Variants in IPCEF1 observed in about 807,000 individuals in gnomAD.
The protein encoded by IPCEF1 is interactor protein for cytohesin exchange factors 1.
In IPCEF1, 31 loss-of-function variants were observed where a neutral mutation model predicts 50.9. The ratio of observed to expected loss-of-function variants is 0.61; its 90% confidence interval spans 0.46 to 0.82. The LOEUF is 0.82. Ranked by LOEUF, IPCEF1 falls within the 40% of genes least tolerant of loss-of-function variation. IPCEF1 has a pLI of 0.00. For synonymous variants in IPCEF1, 181 were observed against 192.0 expected (o/e 0.94, Z 0.47); for missense variants, 458 against 514.0 (o/e 0.89, Z 1.05).
At position 154,199,995 on chromosome 6, in the gene IPCEF1, A is replaced by T; in HGVS notation, c.583T>A (p.Ser195Thr). ...TTTTCCAGGGAAGAGAAAGAATACG[A>T]CGTTCCACTCAGGCTGGGTGAGGAT... ...SSSSPSLSGT[S>T]YSFSSLENTV... Residue 195 changes from serine (S) to threonine (T), a missense_variant, in exon 10 of 12, where the codon TCG (serine) becomes ACG (threonine). Transcript: ENST00000367220. 1.2e-6 allele frequency: 2 copies of T among 1,614,152 alleles called. No homozygotes were observed. Among genetic ancestry groups the T allele is most frequent in the Non-Finnish European group, 1.7e-6 (2 of 1,179,994 alleles).
intron 1 of IPCEF1, among the ~76,000 whole-genome samples, chr6:154,346,103 C>G (rs1784024617): frequency 6.6e-6 from 1 of 152,160 alleles, no homozygotes; most frequent in South Asian, 2.1e-4. Flanking sequence ...CTCCTGAGCT[C>G]ATGCCCTCTG....
intron 10 of IPCEF1, among the ~76,000 whole-genome samples, chr6:154,175,879 T>C (rs1303295058): frequency 6.6e-6 from 1 of 152,118 alleles, no homozygotes; most frequent in Non-Finnish European, 1.5e-5. Context: ...AAAAAGGGAA[T>C]TTTAGGCCAA....
At position 154,332,830 on chromosome 6, in the gene IPCEF1, G is replaced by A. The variant is rs565352143; in HGVS notation, c.-62+23842C>T. 2.0e-5 allele frequency among the ~76,000 whole-genome samples: 3 copies of A among 152,260 alleles called. No individual in the cohort carries two copies. In the East Asian group the frequency reaches 5.8e-4, roughly 29 times the overall value. On this transcript the variant is annotated intron_variant, in intron 1 of 11. Transcript: ENST00000367220. ...CTGTTGTAAAATAGGCACATTACAA[G>A]GTCAGAGAAAGCTGTCAGTAAAAAT...
At chr6:154,278,657 T>C (rs958325781) in intron 2 of IPCEF1, among the ~76,000 whole-genome samples, 3 of 152,154 alleles carry the variant, frequency 2.0e-5, no homozygotes, top group African/African-American at 2.4e-5. Flanking sequence ...ATATTAGGAA[T>C]AAGCCAAAGA....
intron 2 of IPCEF1, among the ~76,000 whole-genome samples, chr6:154,289,112 C>T (rs1782447918): frequency 6.6e-6 from 1 of 152,004 alleles, no homozygotes; most frequent in South Asian, 2.1e-4. Context: ...GGAGCTAAGA[C>T]ATATAATTCT....
At chr6:154,329,380 G>C (rs558523581) in intron 1 of IPCEF1, among the ~76,000 whole-genome samples, 1 of 152,230 alleles carries the variant, frequency 6.6e-6, no homozygotes, top group South Asian at 2.1e-4. Flanking sequence ...AAGATCACTT[G>C]AGCTCAGGAG....
rs549656859 is a variant in IPCEF1, at chr6:154,245,325, C to T, written c.246+1266G>A. Among the ~76,000 whole-genome samples the T allele has an allele frequency of 2.9e-3, 437 of 151,984 alleles. 2 individuals carry two copies. The highest frequency in any genetic ancestry group is 0.01 in the African/African-American group (417 of 41,426). ...TATTTTTATGGAACCCAAAGAGGAG[C>T]TTTGTGCCACATTTTTCATGAGGTG... On this transcript the variant is annotated intron_variant, in intron 5 of 11. Coordinates refer to ENST00000367220, the MANE Select transcript of IPCEF1 (RefSeq NM_001130700.2).
chr6:154,257,352 C>T (rs765141482), intron 3 of IPCEF1, among the ~76,000 whole-genome samples: 11 of 152,214 alleles, frequency 7.2e-5, no homozygotes, highest in Non-Finnish European at 1.3e-4. Context: ...ATCCCTTAAC[C>T]TGCAGGCAGA....
At chr6:154,218,408 C>T (rs1032311535) in intron 7 of IPCEF1, among the ~76,000 whole-genome samples, 1 of 152,228 alleles carries the variant, frequency 6.6e-6, no homozygotes, top group African/African-American at 2.4e-5. Context: ...TTCTACTAAA[C>T]TTAATTACAT....
At chr6:154,290,220 A>T (rs940699024) in intron 1 of IPCEF1, among the ~76,000 whole-genome samples, 2 of 152,154 alleles carry the variant, frequency 1.3e-5, no homozygotes, top group South Asian at 4.1e-4. Flanking sequence ...GGAACACTCG[A>T]CTGGTAAGGG....
rs895876349 is a variant in IPCEF1 at position 154,155,350 on chromosome 6, A to G, written c.*4478T>C. The G allele has an allele frequency of 6.6e-6, 1 of 152,236 alleles. No homozygotes were observed. The highest frequency in any genetic ancestry group is 2.4e-5 in the African/African-American group (1 of 41,456). 9.4% of individuals were successfully genotyped at this position (152,236 alleles called of 1,614,324 possible). ...ATTCAATTTCTCCTGTGAGGTATAC[A>G]AAAGAAATTGGAAGAGAAATAAATT... On this transcript the variant is annotated 3_prime_UTR_variant, in exon 12 of 12. Coordinates refer to ENST00000367220, the MANE Select transcript of IPCEF1 (RefSeq NM_001130700.2).
At chr6:154,339,736 C>A (rs139798453) in intron 1 of IPCEF1, among the ~76,000 whole-genome samples, 292 of 152,042 alleles carry the variant, frequency 1.9e-3, no homozygotes, top group African/African-American at 6.9e-3. Context: ...ACTACAAGCG[C>A]ACACCACCAC....
chr6:154,343,459 G>T (rs1331694978), intron 1 of IPCEF1, among the ~76,000 whole-genome samples: 1 of 152,178 alleles, frequency 6.6e-6, no homozygotes, highest in Non-Finnish European at 1.5e-5. Flanking sequence ...CAATACAAGT[G>T]TATGAAAACT....
At chr6:154,187,602 C>T (rs926693351) in intron 10 of IPCEF1, among the ~76,000 whole-genome samples, 4 of 152,070 alleles carry the variant, frequency 2.6e-5, no homozygotes, top group African/African-American at 9.7e-5. Context: ...TCATGATTGT[C>T]GAAGGAGAGA....
intron 7 of IPCEF1, chr6:154,217,369 ATG>A (rs1255343777): frequency 1.3e-5 from 2 of 152,050 alleles, no homozygotes; most frequent in African/African-American, 4.8e-5. Context: ...CCTCTGCCAC[ATG>A]GAGATGATCC....
intron 10 of IPCEF1, among the ~76,000 whole-genome samples, chr6:154,192,599 C>T (rs1195297855): frequency 6.6e-6 from 1 of 151,970 alleles, no homozygotes; most frequent in Non-Finnish European, 1.5e-5. Context: ...AGAAAATCTT[C>T]ATAATCTGTA....
In IPCEF1 at chr6:154,343,939, C is replaced by A. The variant is rs185041655; in HGVS notation, c.-62+12733G>T. ...GGCAGCATGGCCGACCTCACATATC[C>A]CCACGTGTGTAGAACATCAAGGCGC... On this transcript the variant is annotated intron_variant, in intron 1 of 11. Coordinates refer to ENST00000367220, the MANE Select transcript of IPCEF1 (RefSeq NM_001130700.2). 3.8e-3 allele frequency among the ~76,000 whole-genome samples: 583 copies of A among 152,254 alleles called. 4 individuals carry two copies. The highest frequency in any genetic ancestry group is 0.013 in the African/African-American group (557 of 41,544).
chr6:154,261,949 G>C (rs1222995370), intron 3 of IPCEF1, among the ~76,000 whole-genome samples: 1 of 152,124 alleles, frequency 6.6e-6, no homozygotes, highest in Admixed American at 6.5e-5. Context: ...TAGGTCAAAG[G>C]TGTCAAACCT....
chr6:154,205,544 G>T (rs376600953), intron 9 of IPCEF1, among the ~76,000 whole-genome samples: 1 of 152,112 alleles, frequency 6.6e-6, no homozygotes, highest in Non-Finnish European at 1.5e-5. Context: ...GCAGTGAGCC[G>T]AAATCACACC....
Sources: allele counts gnomAD v4.1 joint callset (sites outside exome capture counted in the v4.1 genomes callset), GRCh38; gene constraint gnomAD v4.1.1; transcripts MANE v1.5; gene names NCBI Gene and HGNC (gene_info 2026-07-23, HGNC 2026-07-21).